THTPA: variants seen among roughly 807,000 people sequenced by gnomAD.
THTPA encodes the protein thiamine-triphosphatase.
Under a neutral mutation model 16.5 loss-of-function variants are expected in THTPA, and 16 were observed. The ratio of observed to expected loss-of-function variants is 0.97; its 90% CI spans 0.66 to 1.47. The LOEUF (loss-of-function observed/expected upper bound fraction) is 1.47. THTPA is among the 40% of genes most tolerant of loss of function. THTPA has a pLI of 0.00. For missense variants in THTPA, 281 were observed against 280.9 expected, an observed-to-expected ratio of 1.00 and a Z score of 0.00; for synonymous variants, 110 against 115.5, an observed-to-expected ratio of 0.95 and a Z score of 0.30.
At chr14:23,541,070 C>A in the THTPA span, among the ~76,000 whole-genome samples, 1 of 151,996 alleles carries the variant, frequency 6.6e-6, no homozygotes, top group African/African-American at 2.4e-5. Flanking sequence ...CCAGGCCTGG[C>A]TAATTTTTGT....
upstream of THTPA, among the ~76,000 whole-genome samples, chr14:23,554,065 A>G (rs868111894): frequency 9.8e-4 from 142 of 145,140 alleles, 1 homozygote; most frequent in African/African-American, 3.5e-3. Context: ...AAAAAAAAAA[A>G]GCAGATGCTT....
the THTPA span, among the ~76,000 whole-genome samples, chr14:23,547,099 GGTGA>G: frequency 6.6e-6 from 1 of 152,154 alleles, no homozygotes; most frequent in Non-Finnish European, 1.5e-5. Flanking sequence ...TGAGAGTTGT[GGTGA>G]GTTTTACATC....
chr14:23,520,612 G>A, the THTPA span, among the ~76,000 whole-genome samples: 1 of 152,192 alleles, frequency 6.6e-6, no homozygotes, highest in Non-Finnish European at 1.5e-5. The surrounding 1 kb of genome is among the most constrained non-coding windows in gnomAD (Gnocchi z 8.7). Context: ...TCAGGGAGCG[G>A]GGACATGTCC....
chr14:23,547,255 G>A, the THTPA span, among the ~76,000 whole-genome samples: 1 of 152,238 alleles, frequency 6.6e-6, no homozygotes, highest in East Asian at 1.9e-4. Flanking sequence ...GGCCCACATG[G>A]CCAATGCTGC....
the THTPA span, chr14:23,521,404 G>C: frequency 1.3e-5 from 2 of 152,634 alleles, no homozygotes; most frequent in Non-Finnish European, 2.9e-5. Context: ...GAGCGGTGTG[G>C]TGCTCTAGAC....
At chr14:23,534,163 G>A in the THTPA span, 21 of 1,472,768 alleles carry the variant, frequency 1.4e-5, no homozygotes, top group East Asian at 3.5e-4. This position sits in a 1 kb window ranked among gnomAD's most constrained non-coding sequence, Gnocchi z 4.5. Flanking sequence ...TTGGTTGAGT[G>A]GGGGGCAGAG....
chr14:23,528,237 C>T, the THTPA span, among the ~76,000 whole-genome samples: 1 of 152,186 alleles, frequency 6.6e-6, no homozygotes, highest in African/African-American at 2.4e-5. Context: ...AGGAACTAGC[C>T]AGATAGGAAG....
At chr14:23,518,511 T>C in the THTPA span, among the ~76,000 whole-genome samples, 5 of 152,246 alleles carry the variant, frequency 3.3e-5, no homozygotes, top group East Asian at 9.6e-4. The surrounding 1 kb of genome is among the most constrained non-coding windows in gnomAD (Gnocchi z 4.5). Context: ...TATATTCTTC[T>C]AGCAATCTTT....
chr14:23,540,148 G>A, the THTPA span, among the ~76,000 whole-genome samples: 4 of 152,194 alleles, frequency 2.6e-5, no homozygotes, highest in Admixed American at 6.5e-5. Flanking sequence ...GTGCCACCAC[G>A]CCCAGCTAAT....
upstream of THTPA, among the ~76,000 whole-genome samples, chr14:23,555,027 G>A (rs1263253717): frequency 6.6e-6 from 1 of 152,038 alleles, no homozygotes; most frequent in Non-Finnish European, 1.5e-5. Context: ...TCGTTCTGTC[G>A]CCCAGGCTGG....
chr14:23,559,680 A>G lies in THTPA; in HGVS notation c.*840A>G. 7.1e-7 allele frequency: 1 copy of G among 1,414,792 alleles called. No individual in the cohort carries two copies. The allele number at this position is 1,414,792 out of a possible 1,614,324, so 87.6% of individuals were successfully genotyped here. ...CCACCTGCTGGTAGCCCTCAGGTGT[A>G]GGTTCGAAGCTGCTGGGGCCCCCTG... On this transcript the variant is annotated 3_prime_UTR_variant, in exon 2 of 2. Coordinates refer to ENST00000288014, the MANE Select transcript of THTPA (RefSeq NM_024328.6).
At chr14:23,530,150 T>C in the THTPA span, 1 of 1,536,038 alleles carries the variant, frequency 6.5e-7, no homozygotes. Flanking sequence ...TGGGCATCTT[T>C]CTCAGGGGTG....
At chr14:23,549,340 C>T in the THTPA span, among the ~76,000 whole-genome samples, 1 of 152,038 alleles carries the variant, frequency 6.6e-6, no homozygotes, top group South Asian at 2.1e-4. Flanking sequence ...TAATTCTGTT[C>T]ACCTCTGAAA....
At chr14:23,519,747 C>T in the THTPA span, among the ~76,000 whole-genome samples, 14 of 152,194 alleles carry the variant, frequency 9.2e-5, no homozygotes, top group Non-Finnish European at 2.1e-4. Flanking sequence ...TGTCCCCTCC[C>T]ATTCTGTCTG....
the THTPA span, chr14:23,532,712 G>A: frequency 1.2e-5 from 19 of 1,534,404 alleles, no homozygotes; most frequent in Non-Finnish European, 1.7e-5. Context: ...TCCCAGGGAT[G>A]CTGGGGAAGG....
chr14:23,534,475 C>A, the THTPA span: 1 of 1,536,270 alleles, frequency 6.5e-7, no homozygotes, highest in Non-Finnish European at 8.7e-7. This position sits in a 1 kb window ranked among gnomAD's most constrained non-coding sequence, Gnocchi z 4.5. Context: ...GGCCTTGCAG[C>A]CTTCATCTCC....
At chr14:23,527,363 A>G in the THTPA span, among the ~76,000 whole-genome samples, 2 of 152,130 alleles carry the variant, frequency 1.3e-5, no homozygotes, top group African/African-American at 2.4e-5. Context: ...CTTCAAATCC[A>G]TGAAATGCTG....
the THTPA span, chr14:23,531,621 T>C: frequency 6.6e-7 from 1 of 1,523,704 alleles, no homozygotes; most frequent in Non-Finnish European, 8.8e-7. Context: ...GCGCAGGTGT[T>C]GCAGCACAGC....
chr14:23,534,042 G>A, the THTPA span: 1 of 1,535,416 alleles, frequency 6.5e-7, no homozygotes, highest in Admixed American at 2.0e-5. The surrounding 1 kb of genome is among the most constrained non-coding windows in gnomAD (Gnocchi z 4.5). Context: ...AGGCTGCAGG[G>A]GCTGGGGTGT....
Sources: gnomAD v4.1 joint callset for allele counts (sites outside exome capture counted in the v4.1 genomes callset) on GRCh38, gnomAD v4.1.1 for gene constraint, Gnocchi (gnomAD v3.1) non-coding constraint, MANE v1.5 for transcripts, NCBI Gene and HGNC (gene_info 2026-07-23, HGNC 2026-07-21) for gene names.